NAALADL2: variants seen among roughly 807,000 people sequenced by gnomAD.
NAALADL2 encodes the protein inactive N-acetylated-alpha-linked acidic dipeptidase-like protein 2.
NAALADL2 carries 76 observed loss-of-function variants against 87.2 expected under a neutral mutation model. The ratio of observed to expected loss-of-function variants is 0.87; its 90% CI spans 0.72 to 1.05. The LOEUF is 1.05. Ranked by LOEUF, NAALADL2 falls within the 50% of genes least tolerant of loss-of-function variation. NAALADL2 has a pLI of 0.00. For synonymous variants in NAALADL2, 354 were observed against 331.0 expected (o/e 1.07, Z -0.75); for missense variants, 1,089 against 945.8 (o/e 1.15, Z -1.99).
At chr3:175,133,135 A>G (rs1728452170) in intron 2 of NAALADL2, among the ~76,000 whole-genome samples, 2 of 148,328 alleles carry the variant, frequency 1.3e-5, no homozygotes, top group African/African-American at 2.6e-5. Flanking sequence ...GCGGCCGGGC[A>G]GAGACGCTCC....
At chr3:174,456,340 A>G (rs1290249654) in intron 1 of NAALADL2, among the ~76,000 whole-genome samples, 1 of 150,850 alleles carries the variant, frequency 6.6e-6, no homozygotes, top group Admixed American at 6.7e-5. Context: ...GACATTCTTC[A>G]CACAACTAGA....
intron 2 of NAALADL2, among the ~76,000 whole-genome samples, chr3:175,220,668 T>C (rs1743214626): frequency 6.6e-6 from 1 of 152,120 alleles, no homozygotes; most frequent in South Asian, 2.1e-4. Context: ...GAGTTTTTCT[T>C]CTGTATACTT....
rs147447031 is a variant in NAALADL2, at chr3:174,898,487, A to T, written c.43+39037A>T. The stretch of plus-strand genomic sequence containing the variant: ...ATAATAACTTAATGGTATGTTTTAA[A>T]ATAATGTGAAGAATATAATTCGATT... On this transcript the variant is annotated intron_variant, in intron 1 of 13. Transcript: ENST00000454872. Among the ~76,000 whole-genome samples, 196 of 152,186 alleles carry T rather than the reference A, an allele frequency of 1.3e-3. No homozygotes were observed. The East Asian group carries it at 0.034, about 27-fold the overall frequency.
At chr3:174,872,964 C>T (rs973218516) in intron 1 of NAALADL2, among the ~76,000 whole-genome samples, 2 of 152,106 alleles carry the variant, frequency 1.3e-5, no homozygotes, top group African/African-American at 4.8e-5. Flanking sequence ...ACTTTTCTTG[C>T]AAATGGACAT....
chr3:174,541,134 C>T (rs1272989283), intron 1 of NAALADL2, among the ~76,000 whole-genome samples: 1 of 152,060 alleles, frequency 6.6e-6, no homozygotes, highest in East Asian at 1.9e-4. Context: ...AATATTTATC[C>T]CTGAAATATT....
At chr3:175,639,318 CTTTTTTTT>C (rs756214274) in intron 11 of NAALADL2, among the ~76,000 whole-genome samples, 1 of 108,764 alleles carries the variant, frequency 9.2e-6, no homozygotes, top group African/African-American at 4.1e-5. Flanking sequence ...AAGCGTTATT[CTTTTTTTT>C]TTTTTTTTTT....
At chr3:174,868,421 A>G (rs930751432) in intron 1 of NAALADL2, among the ~76,000 whole-genome samples, 1 of 152,154 alleles carries the variant, frequency 6.6e-6, no homozygotes, top group Non-Finnish European at 1.5e-5. Flanking sequence ...TATGCCAAAC[A>G]CTTGGAGCAG....
chr3:174,930,554 T>C (rs2108412067), intron 1 of NAALADL2, among the ~76,000 whole-genome samples: 1 of 150,876 alleles, frequency 6.6e-6, no homozygotes, highest in East Asian at 2.0e-4. Context: ...TTTGGAAAAG[T>C]ATAATGTTAT....
intron 1 of NAALADL2, among the ~76,000 whole-genome samples, chr3:175,002,580 G>C (rs1579959492): frequency 6.6e-6 from 1 of 152,120 alleles, no homozygotes; most frequent in East Asian, 1.9e-4. Context: ...AAATGGAAGG[G>C]AACTGTGAAT....
intron 4 of NAALADL2, among the ~76,000 whole-genome samples, chr3:175,284,045 T>G (rs1218419497): frequency 4.6e-5 from 7 of 152,238 alleles, no homozygotes; most frequent in African/African-American, 1.4e-4. Flanking sequence ...AAAACTCGTG[T>G]CTTTGCTGAA....
chr3:174,908,021 G>GTTTTTTT (rs35051279), intron 1 of NAALADL2, among the ~76,000 whole-genome samples: 6 of 82,554 alleles, frequency 7.3e-5, no homozygotes, highest in African/African-American at 1.5e-4. Flanking sequence ...AGAGAAGTTG[G>GTTTTTTT]TTTTTTTTTT....
chr3:175,627,212 C>A (rs1727106512), intron 10 of NAALADL2, 79 bp from the exon 11 acceptor site: 2 of 1,189,044 alleles, frequency 1.7e-6, no homozygotes, highest in Admixed American at 4.6e-5. Flanking sequence ...CCTTTTTAAT[C>A]TTTAAGGAAA....
At chr3:175,559,615 C>G (rs1715933811) in intron 9 of NAALADL2, among the ~76,000 whole-genome samples, 2 of 152,020 alleles carry the variant, frequency 1.3e-5, no homozygotes, top group Admixed American at 6.6e-5. Flanking sequence ...GTATGTTTTT[C>G]TATACCAAGT....
At chr3:174,722,627 A>C (rs1020580486) in intron 2 of NAALADL2, among the ~76,000 whole-genome samples, 14 of 152,186 alleles carry the variant, frequency 9.2e-5, no homozygotes, top group Non-Finnish European at 1.6e-4. Context: ...GCTTGAACTC[A>C]GAGGGCGGAG....
chr3:175,119,808 T>C (rs1725866576), intron 2 of NAALADL2, among the ~76,000 whole-genome samples: 1 of 29,078 alleles, frequency 3.4e-5, no homozygotes, highest in East Asian at 9.0e-4. Context: ...CTTATGTATC[T>C]ATATATAAAA....
At chr3:174,872,221 A>G (rs1442660961) in intron 1 of NAALADL2, among the ~76,000 whole-genome samples, 4 of 152,156 alleles carry the variant, frequency 2.6e-5, no homozygotes, top group Non-Finnish European at 4.4e-5. Flanking sequence ...ACTAACTGGT[A>G]AACTATTTTT....
At chr3:174,784,960 A>T (rs776821260) in intron 3 of NAALADL2, among the ~76,000 whole-genome samples, 40 of 152,196 alleles carry the variant, frequency 2.6e-4, no homozygotes, top group Admixed American at 4.6e-4. Context: ...TAAAAAAGTG[A>T]ATAGGAGAGG....
chr3:174,644,547 C>T (rs140110241), intron 2 of NAALADL2, among the ~76,000 whole-genome samples: 1 of 151,994 alleles, frequency 6.6e-6, no homozygotes, highest in Non-Finnish European at 1.5e-5. Context: ...AGTTTAAACC[C>T]ATGCAGTTTA....
intron 2 of NAALADL2, among the ~76,000 whole-genome samples, chr3:174,640,688 T>C (rs2108728466): frequency 6.6e-6 from 1 of 152,334 alleles, no homozygotes; most frequent in South Asian, 2.1e-4. Context: ...TTTTTGCCTT[T>C]AGCTTTTCTG....
Sources: gnomAD v4.1 joint callset for allele counts (sites outside exome capture counted in the v4.1 genomes callset) on GRCh38, gnomAD v4.1.1 for gene constraint, MANE v1.5 for transcripts, NCBI Gene and HGNC (gene_info 2026-07-23, HGNC 2026-07-21) for gene names.